Variants in CHODL observed in about 807,000 individuals in gnomAD.
CHODL encodes transmembrane protein MT75.
A neutral mutation model predicts 34.5 loss-of-function variants in CHODL; 29 were observed. That is an observed-to-expected ratio of 0.84 (90% confidence interval 0.63 to 1.15). CHODL has a LOEUF of 1.15. CHODL is among the 50% of genes most tolerant of loss of function. The probability of loss-of-function intolerance (pLI) is 0.00; values close to 1 mark genes in which losing one functional copy is unlikely to be tolerated. For synonymous variants in CHODL, 125 were observed against 116.1 expected (o/e 1.08, Z -0.49); for missense variants, 332 against 332.5 (o/e 1.00, Z 0.01).
chr21:18,154,822 G>A (rs2146633149), intron 2 of CHODL, among the ~76,000 whole-genome samples: 1 of 152,286 alleles, frequency 6.6e-6, no homozygotes, highest in African/African-American at 2.4e-5. Flanking sequence ...ACAACAAAAT[G>A]AGAATGATGG....
intron 1 of CHODL, among the ~76,000 whole-genome samples, chr21:17,976,184 T>G (rs1043754485): frequency 7.0e-6 from 1 of 143,106 alleles, no homozygotes; most frequent in African/African-American, 2.6e-5. Context: ...GGCAGGAGGA[T>G]TGCTTGAGCC....
intron 2 of CHODL, among the ~76,000 whole-genome samples, chr21:18,113,383 G>A (rs956075695): frequency 9.9e-5 from 15 of 152,162 alleles, no homozygotes; most frequent in African/African-American, 3.6e-4. Flanking sequence ...TACTATATGT[G>A]TATTAGTTTG....
At chr21:18,086,970 G>T (rs1181809462) in intron 2 of CHODL, among the ~76,000 whole-genome samples, 1 of 152,190 alleles carries the variant, frequency 6.6e-6, no homozygotes, top group South Asian at 2.1e-4. Flanking sequence ...GACCCAAGCA[G>T]TCCATGTGGG....
chr21:18,147,514 T>G (rs1009992789), intron 2 of CHODL, among the ~76,000 whole-genome samples: 2 of 152,260 alleles, frequency 1.3e-5, no homozygotes, highest in Non-Finnish European at 2.9e-5. Flanking sequence ...ATGTGTGGCT[T>G]ATAGACATAA....
chr21:17,996,697 A>C (rs2063852743), intron 1 of CHODL, among the ~76,000 whole-genome samples: 1 of 152,224 alleles, frequency 6.6e-6, no homozygotes, highest in South Asian at 2.1e-4. Context: ...TTTTATCTTG[A>C]ATATGAAAAG....
chr21:18,197,865 G>T (rs1176758118), intron 2 of CHODL, among the ~76,000 whole-genome samples: 2 of 152,188 alleles, frequency 1.3e-5, no homozygotes, highest in Admixed American at 6.5e-5. Context: ...CAAAAGGAAA[G>T]CTTTGTCAAC....
intron 1 of CHODL, among the ~76,000 whole-genome samples, chr21:17,952,833 C>T (rs2063469472): frequency 6.6e-6 from 1 of 152,178 alleles, no homozygotes; most frequent in Non-Finnish European, 1.5e-5. Context: ...CTCAGTCCCG[C>T]ATGGCTGGGG....
chr21:18,007,394 T>C (rs1198309529), intron 1 of CHODL, among the ~76,000 whole-genome samples: 2 of 152,248 alleles, frequency 1.3e-5, no homozygotes, highest in African/African-American at 2.4e-5. Context: ...ACATTACTTA[T>C]GAGCAGACAG....
At chr21:18,239,890 A>G (rs2074065062), upstream of CHODL, among the ~76,000 whole-genome samples, 1 of 152,080 alleles carries the variant, frequency 6.6e-6, no homozygotes, top group South Asian at 2.1e-4. Context: ...GCCATTTATT[A>G]TAAATCAAAC....
chr21:18,211,353 C>A (rs2073773218), intron 2 of CHODL, among the ~76,000 whole-genome samples: 1 of 152,120 alleles, frequency 6.6e-6, no homozygotes, highest in Admixed American at 6.5e-5. Flanking sequence ...ATTTAGGACA[C>A]TGAACAGCAT....
At chr21:17,990,759 TAATC>T (rs1210508505) in intron 1 of CHODL, among the ~76,000 whole-genome samples, 1 of 152,142 alleles carries the variant, frequency 6.6e-6, no homozygotes, top group African/African-American at 2.4e-5. Flanking sequence ...CAATGTATAA[TAATC>T]AAATCAGTAA....
At position 18,265,310 on chromosome 21, in the gene CHODL, C is replaced by CACATATATATAT. The variant is rs1555887739; in HGVS notation, c.738-643_738-642insCATATATATATA. On this transcript the variant is annotated intron_variant, in intron 5 of 5. Transcript: ENST00000299295. The stretch of plus-strand genomic sequence containing the variant: ...ATATACACACACACACACACACACA[C>CACATATATATAT]ATATATATATATGATGGAATACTAC... 4.5e-3 allele frequency among the ~76,000 whole-genome samples: 665 copies of CACATATATATAT among 147,190 alleles called. 9 individuals are homozygous for CACATATATATAT. Among genetic ancestry groups the CACATATATATAT allele is most frequent in the African/African-American group, 0.016 (631 of 39,354 alleles).
intron 1 of CHODL, among the ~76,000 whole-genome samples, chr21:17,928,571 T>G (rs2063246769): frequency 6.6e-6 from 1 of 152,092 alleles, no homozygotes; most frequent in Non-Finnish European, 1.5e-5. Context: ...AACTGCAAAT[T>G]GGGTAACAGT....
rs1316105185 is a variant in CHODL at position 18,265,958 on chromosome 21, G to A, written c.742G>A (p.Gly248Arg). Residue 248 changes from glycine to arginine, a missense_variant, in exon 6 of 6, where the codon GGA becomes AGA. Coordinates refer to ENST00000299295, the MANE Select transcript of CHODL (RefSeq NM_024944.3). Reference protein sequence around the residue: ...CCFQMLHKSKGRTKTSPNQST... With the variant: ...CCFQMLHKSKRRTKTSPNQST... ...ATTTTTTCTTATGTTTTTCAGTAAA[G>A]GAAGAACAAAAACTAGTCCAAACCA... 1 of 1,609,438 alleles carries A rather than the reference G, an allele frequency of 6.2e-7. No individual in the cohort carries two copies. The highest frequency in any genetic ancestry group is 8.5e-7 in the Non-Finnish European group (1 of 1,178,590).
At chr21:18,001,670 G>T (rs2063907489) in intron 1 of CHODL, among the ~76,000 whole-genome samples, 1 of 151,582 alleles carries the variant, frequency 6.6e-6, no homozygotes, top group Non-Finnish European at 1.5e-5. Context: ...GGAAGAGAGA[G>T]AATTCATGCA....
At chr21:18,072,620 T>A (rs2064819259) in intron 2 of CHODL, among the ~76,000 whole-genome samples, 1 of 152,112 alleles carries the variant, frequency 6.6e-6, no homozygotes, top group South Asian at 2.1e-4. Context: ...TGTGTATGTG[T>A]AGTAACAATT....
chr21:18,038,085 T>C (rs935716732), intron 2 of CHODL, among the ~76,000 whole-genome samples: 2 of 151,718 alleles, frequency 1.3e-5, no homozygotes, highest in Non-Finnish European at 3.0e-5. Flanking sequence ...TCTCTTTTGG[T>C]GAAAAGTTTA....
intron 2 of CHODL, among the ~76,000 whole-genome samples, chr21:18,198,178 G>A (rs1394764552): frequency 6.6e-6 from 1 of 152,118 alleles, no homozygotes; most frequent in Non-Finnish European, 1.5e-5. Flanking sequence ...ATGCTATACA[G>A]TGCATTATAC....
At chr21:18,101,036 A>G (rs1409878338) in intron 2 of CHODL, among the ~76,000 whole-genome samples, 2 of 152,118 alleles carry the variant, frequency 1.3e-5, no homozygotes, top group East Asian at 1.9e-4. Context: ...GTCCCCACCC[A>G]AATCTCATCT....
Sources: allele counts gnomAD v4.1 joint callset (sites outside exome capture counted in the v4.1 genomes callset), GRCh38; gene constraint gnomAD v4.1.1; transcripts MANE v1.5; gene names NCBI Gene and HGNC (gene_info 2026-07-23, HGNC 2026-07-21).